The following ARHGDIA variants were observed in gnomAD, a reference collection of about 807,000 sequenced individuals.
The protein encoded by ARHGDIA is Rho GDP dissociation inhibitor alpha.
Under a neutral mutation model 25.0 loss-of-function variants are expected in ARHGDIA, and 9 were observed. The ratio of observed to expected loss-of-function variants is 0.36; its 90% CI spans 0.22 to 0.63. ARHGDIA has a LOEUF of 0.63. Among genes scored for constraint, ARHGDIA ranks in the 20% least tolerant of loss-of-function variants. The pLI is 0.69. For missense variants in ARHGDIA, 239 were observed against 264.3 expected (o/e 0.90, Z 0.66); for synonymous variants, 166 against 111.5 (o/e 1.49, Z -3.08).
At chr17:81,869,994 C>A (rs1022264966) in intron 1 of ARHGDIA, 37 bp from the exon 2 acceptor site, 1 of 1,583,916 alleles carries the variant, frequency 6.3e-7, no homozygotes, top group African/African-American at 1.3e-5. Flanking sequence ...GGACCTGGAT[C>A]CCCAACGGAG....
At chr17:81,870,086 C>T in intron 1 of ARHGDIA, 129 bp from the exon 2 acceptor site, 2 of 875,748 alleles carry the variant, frequency 2.3e-6, no homozygotes, top group Non-Finnish European at 3.4e-6. Flanking sequence ...CTCTCCACCC[C>T]CGCGATTCCT....
At chr17:81,870,699 C>G (rs2058508655) in intron 1 of ARHGDIA, 1 of 152,370 alleles carries the variant, frequency 6.6e-6, no homozygotes, top group African/African-American at 2.4e-5. Flanking sequence ...CAGGGAGCAG[C>G]ACACCCGGGA....
rs766785436 is a variant in ARHGDIA at position 81,869,883 on chromosome 17, C to A, written c.48G>T (p.Ala16=). ...PTAEQLAQIA[A]ENEEDEHSVN... Reference sequence around the variant, plus strand: ...CCGAGTGCTCATCCTCCTCGTTCTCCGCTGCAATCTGGGCCAGCTGCTCGG... The same window carrying A: ...CCGAGTGCTCATCCTCCTCGTTCTCAGCTGCAATCTGGGCCAGCTGCTCGG... The change falls in exon 2 of 6, where the codon GCG becomes GCT. Residue 16 remains alanine (A), a synonymous_variant. Transcript: ENST00000269321. 1.2e-6 allele frequency: 2 copies of A among 1,614,020 alleles called. No homozygotes were observed. Among genetic ancestry groups the A allele is most frequent in the African/African-American group, 2.7e-5 (2 of 75,062 alleles).
chr17:81,870,470 G>C (rs1043687150), intron 1 of ARHGDIA, among the ~76,000 whole-genome samples: 1 of 152,220 alleles, frequency 6.6e-6, no homozygotes, highest in Admixed American at 6.5e-5. Context: ...GTTAGGGGCA[G>C]CTAGAATACC....
chr17:81,869,270 G>T lies in ARHGDIA; in HGVS notation c.352-34C>A, dbSNP rs138551115. 68 of 1,614,060 alleles carry T rather than the reference G, an allele frequency of 4.2e-5. No homozygotes were observed. In the South Asian group the frequency reaches 5.3e-4, roughly 13 times the overall value. On this transcript the variant is annotated intron_variant, in intron 4 of 5. Transcript: ENST00000269321. ...CCCGAAGCGAGGATCAGGGAAGGTC[G>T]GTCCGGACCCCAGCCCCAGCCCCGC...
rs369742215 is a variant in ARHGDIA at position 81,868,571 on chromosome 17, C to A, written c.*305G>T. 3.9e-6 allele frequency: 6 copies of A among 1,535,166 alleles called. No homozygotes were observed. The highest frequency in any genetic ancestry group is 1.7e-4 in the Middle Eastern group (1 of 5,982). On this transcript the variant is annotated 3_prime_UTR_variant, in exon 6 of 6. Transcript: ENST00000269321. ...TCCTGAAGCCAGGCCTCGGGTGTGACGGGGAGATAGAACCTGGGGGGCACA... is the reference window on the plus strand; with the variant it reads ...TCCTGAAGCCAGGCCTCGGGTGTGAAGGGGAGATAGAACCTGGGGGGCACA...
rs1415612028 is a variant in ARHGDIA at position 81,868,560 on chromosome 17, C to T, written c.*316G>A. On this transcript the variant is annotated 3_prime_UTR_variant, in exon 6 of 6. Transcript: ENST00000269321. ...GCTCCGCTCCCTCCTGAAGCCAGGC[C>T]TCGGGTGTGACGGGGAGATAGAACC... 1.3e-6 allele frequency: 2 copies of T among 1,534,930 alleles called. No individual in the cohort carries two copies. The highest frequency in any genetic ancestry group is 1.7e-6 in the Non-Finnish European group (2 of 1,146,488).
In ARHGDIA at chr17:81,868,387, G is replaced by C. The variant is rs1171865708; in HGVS notation, c.*489C>G. 2.1e-6 allele frequency: 3 copies of C among 1,444,616 alleles called. No homozygotes were observed. The highest frequency in any genetic ancestry group is 2.9e-5 in the African/African-American group (2 of 69,848). 89.5% of individuals were successfully genotyped at this position (1,444,616 alleles called of 1,614,324 possible). A position where few individuals can be genotyped will look rare whatever the true frequency, so the allele number is the denominator to read the frequency against. Reference sequence around the variant, plus strand: ...ATGTTAAGGCATCATGGTTAGACGGGACCGACAGCGACAAGGGGGCTGGCC... The same window carrying C: ...ATGTTAAGGCATCATGGTTAGACGGCACCGACAGCGACAAGGGGGCTGGCC... On this transcript the variant is annotated 3_prime_UTR_variant, in exon 6 of 6. Transcript: ENST00000269321.
rs759807623 is a variant in ARHGDIA, at chr17:81,869,163, C to T, written c.415+10G>A. 1.2e-6 allele frequency: 2 copies of T among 1,613,908 alleles called. No individual in the cohort carries two copies. The highest frequency in any genetic ancestry group is 1.1e-5 in the South Asian group (1 of 91,076). ...GCGGCCCCCTCTGCCCTGCCCGGGG[C>T]CCCACTCACTCTTGACGCCTTTCCT... On this transcript the variant is annotated intron_variant, in intron 5 of 5. Transcript: ENST00000269321.
rs1376692926 is a variant in ARHGDIA, at chr17:81,869,005, C to T, written c.486G>A (p.Val162=). 6.2e-7 allele frequency: 1 copy of T among 1,613,738 alleles called. No homozygotes were observed. Among genetic ancestry groups the T allele is most frequent in the Non-Finnish European group, 8.5e-7 (1 of 1,179,982 alleles). The change falls in exon 6 of 6, where the codon GTG becomes GTA. Residue 162 remains valine (V), a synonymous_variant. Transcript: ENST00000269321. The part of the protein sequence containing the change: ...RAEEYEFLTP[V]EEAPKGMLAR... ...CCAGCATACCCTTGGGTGCCTCCTC[C>T]ACGGGGGTCAGGAACTCGTACTCCT... is the stretch of plus-strand genomic sequence containing the variant.
intron 1 of ARHGDIA, 75 bp from the exon 2 acceptor site, chr17:81,870,032 G>T (rs1598282660): frequency 1.4e-6 from 2 of 1,427,324 alleles, no homozygotes; most frequent in South Asian, 2.7e-5. Context: ...AGTGTGGGCT[G>T]CAGCCGGAGC....
rs1230807206 is a variant in ARHGDIA, at chr17:81,868,736, A to C, written c.*140T>G. On this transcript the variant is annotated 3_prime_UTR_variant, in exon 6 of 6. Transcript: ENST00000269321. ...GGGGTCGGAGGCACTCGGTTGAGCC[A>C]GGCCAGGGAGGCGGACCAGGGTGGG... is the stretch of plus-strand genomic sequence containing the variant. The C allele has an allele frequency of 2.0e-6, 3 of 1,478,874 alleles. No individual in the cohort carries two copies. Among genetic ancestry groups the C allele is most frequent in the African/African-American group, 1.5e-5 (1 of 66,414 alleles). The allele number at this position is 1,478,874 out of a possible 1,614,324, so 91.6% of individuals were successfully genotyped here.
In ARHGDIA at chr17:81,868,912, C is replaced by T; in HGVS notation, c.579G>A (p.Glu193=). Residue 193 remains glutamate (E), a synonymous_variant, in exon 6 of 6, where the codon GAG becomes GAA. Coordinates refer to ENST00000269321, the MANE Select transcript of ARHGDIA (RefSeq NM_004309.6). ...DDDKTDHLSW[E]WNLTIKKDWK... ...AGTCCTTCTTGATGGTGAGATTCCA[C>T]TCCCAGGACAGGTGGTCGGTCTTGT... The T allele has an allele frequency of 1.9e-6, 3 of 1,613,768 alleles. No individual in the cohort carries two copies. Among genetic ancestry groups the T allele is most frequent in the Non-Finnish European group, 2.5e-6 (3 of 1,179,946 alleles).
At chr17:81,870,718 C>G (rs2039267576) in intron 1 of ARHGDIA, 2 of 152,310 alleles carry the variant, frequency 1.3e-5, no homozygotes, top group Non-Finnish European at 2.9e-5. Context: ...GACACCCAGG[C>G]CGGGGTCCAG....
chr17:81,868,438 C>G lies in ARHGDIA; in HGVS notation c.*438G>C. ...AGGGAGCAGCGGGGCTGGAGGACGG[C>G]CCGGCCCCCACGAGGCCGTGCATCC... On this transcript the variant is annotated 3_prime_UTR_variant, in exon 6 of 6. Transcript: ENST00000269321. The G allele has an allele frequency of 2.0e-6, 3 of 1,473,506 alleles. No homozygotes were observed. Among genetic ancestry groups the G allele is most frequent in the Non-Finnish European group, 2.7e-6 (3 of 1,115,212 alleles). The allele number at this position is 1,473,506 out of a possible 1,614,324, so 91.3% of individuals were successfully genotyped here.
chr17:81,871,330 C>G lies in ARHGDIA; in HGVS notation c.-60G>C, dbSNP rs1176678637. 6.6e-6 allele frequency: 1 copy of G among 152,376 alleles called. No individual in the cohort carries two copies. The highest frequency in any genetic ancestry group is 2.4e-5 in the African/African-American group (1 of 41,368). The allele number at this position is 152,376 out of a possible 1,614,324, so 9.4% of individuals were successfully genotyped here. ...TTCGGCCGCGCGGTTCAGGATCCCTCCCGCACTAAATGACGAACGTCGTCG... is the reference window on the plus strand; with the variant it reads ...TTCGGCCGCGCGGTTCAGGATCCCTGCCGCACTAAATGACGAACGTCGTCG... On this transcript the variant is annotated 5_prime_UTR_variant, in exon 1 of 6. Transcript: ENST00000269321.
intron 5 of ARHGDIA, 44 bp from the exon 6 acceptor site, chr17:81,869,119 C>T (rs541288466): frequency 6.2e-7 from 1 of 1,613,100 alleles, no homozygotes; most frequent in Admixed American, 1.7e-5. Context: ...CGCTTCCCCG[C>T]CTGGCAGCAC....
chr17:81,868,579 T>C lies in ARHGDIA; in HGVS notation c.*297A>G. On this transcript the variant is annotated 3_prime_UTR_variant, in exon 6 of 6. Coordinates refer to ENST00000269321, the MANE Select transcript of ARHGDIA (RefSeq NM_004309.6). ...CCAGGCCTCGGGTGTGACGGGGAGATAGAACCTGGGGGGCACAGAAAGGGC... is the reference window on the plus strand; with the variant it reads ...CCAGGCCTCGGGTGTGACGGGGAGACAGAACCTGGGGGGCACAGAAAGGGC... The C allele has an allele frequency of 9.1e-6, 14 of 1,535,018 alleles. No homozygotes were observed. Among genetic ancestry groups the C allele is most frequent in the Non-Finnish European group, 1.2e-5 (14 of 1,146,570 alleles).
Position 81,868,661 on chromosome 17 carries a change from G to A in ARHGDIA, c.*215C>T. 2 of 1,535,104 alleles carry A rather than the reference G, an allele frequency of 1.3e-6. No homozygotes were observed. The stretch of plus-strand genomic sequence containing the variant: ...ACAGCACAGGCAGAAGCAGCAACGA[G>A]ACAGGAGACCGAGGAGGCTGGGCCT... On this transcript the variant is annotated 3_prime_UTR_variant, in exon 6 of 6. Coordinates refer to ENST00000269321, the MANE Select transcript of ARHGDIA (RefSeq NM_004309.6).
Sources: allele counts gnomAD v4.1 joint callset (sites outside exome capture counted in the v4.1 genomes callset), GRCh38; gene constraint gnomAD v4.1.1; transcripts MANE v1.5; gene names NCBI Gene and HGNC (gene_info 2026-07-23, HGNC 2026-07-21).